CTDP1: variants seen among roughly 807,000 people sequenced by gnomAD.
CTDP1 encodes the protein RNA polymerase II subunit A C-terminal domain phosphatase.
In CTDP1, 47 loss-of-function variants were observed where a neutral mutation model predicts 91.8. The ratio of observed to expected loss-of-function variants is 0.51; its 90% confidence interval spans 0.41 to 0.65. The LOEUF is 0.65. CTDP1 is among the 30% of genes least tolerant of loss of function. CTDP1 has a pLI of 0.00. For missense variants in CTDP1, 1,272 were observed against 1,373.7 expected (o/e 0.93, Z 1.17); for synonymous variants, 656 against 598.5 (o/e 1.10, Z -1.40).
intron 11 of CTDP1, 47 bp downstream of exon 11, chr18:79,729,116 G>C: frequency 1.2e-6 from 2 of 1,609,856 alleles, no homozygotes; most frequent in Non-Finnish European, 1.7e-6. Flanking sequence ...CTCGTGCTGG[G>C]GCCGCAGAGC....
rs562184269 is a variant in CTDP1 at position 79,706,664 on chromosome 18, G to A, written c.772+1747G>A. Among the ~76,000 whole-genome samples the A allele has an allele frequency of 3.9e-5, 6 of 152,118 alleles. No individual in the cohort carries two copies. In the South Asian group the frequency reaches 6.2e-4, roughly 16 times the overall value. ...TCATCACTAAGAATTTATCCATCAC[G>A]TTGTTATAAATCTTCATCATTTTAT... On this transcript the variant is annotated intron_variant, in intron 5 of 12. Coordinates refer to ENST00000613122, the MANE Select transcript of CTDP1 (RefSeq NM_004715.5).
At chr18:79,742,639 C>G (rs1276913949) in intron 12 of CTDP1, among the ~76,000 whole-genome samples, 1 of 152,200 alleles carries the variant, frequency 6.6e-6, no homozygotes, top group Non-Finnish European at 1.5e-5. Context: ...ATTTAAAAAG[C>G]AGTATAGTTT....
rs1205031435 is a variant in CTDP1 at position 79,713,117 on chromosome 18, G to A, written c.1009G>A (p.Glu337Lys). 21 of 1,613,958 alleles carry A rather than the reference G, an allele frequency of 1.3e-5. No homozygotes were observed. The highest frequency in any genetic ancestry group is 8.3e-5 in the Admixed American group (5 of 60,000). ...TATGAATGCGCCCCCTGGGTCCCGAGAATCTCAGACGAGAAAGAAAGGTGG... is the reference window on the plus strand; with the variant it reads ...TATGAATGCGCCCCCTGGGTCCCGAAAATCTCAGACGAGAAAGAAAGGTGG... Reference protein sequence around the residue: ...GDMNAPPGSRESQTRKKVNHS... With the variant: ...GDMNAPPGSRKSQTRKKVNHS... Residue 337 changes from glutamate to lysine, a missense_variant, in exon 7 of 13, where the codon GAA becomes AAA. Glu to Lys is a moderately conservative substitution (Grantham distance 56). Around this residue, in one of 3 missense-constraint regions of CTDP1, gnomAD observed 881 missense variants for 911.6 expected, o/e 0.97. Coordinates refer to ENST00000613122, the MANE Select transcript of CTDP1 (RefSeq NM_004715.5). The surrounding 1 kb of genome is among the most constrained non-coding windows in gnomAD (Gnocchi z 4.7).
At chr18:79,740,615 T>A (rs1320036903) in intron 12 of CTDP1, among the ~76,000 whole-genome samples, 1 of 152,246 alleles carries the variant, frequency 6.6e-6, no homozygotes, top group Admixed American at 6.5e-5. Context: ...ACTCTGCTCT[T>A]TCCTGTCAGT....
chr18:79,678,703 C>T (rs113432577), upstream of CTDP1: 9,413 of 152,072 alleles, frequency 0.062, 402 homozygotes, highest in South Asian at 0.15. Context: ...AATTTATATA[C>T]GTAAGGACAA....
intron 12 of CTDP1, among the ~76,000 whole-genome samples, chr18:79,742,187 A>ATT (rs2086794624): frequency 7.4e-6 from 1 of 134,286 alleles, no homozygotes; most frequent in African/African-American, 3.2e-5. Flanking sequence ...AGCATGAGAG[A>ATT]GAGAGAGAGA....
In CTDP1 at chr18:79,753,913, C is replaced by T; in HGVS notation, c.*123C>T. ...CCAAAGGACATGTATATTTGCAGAG[C>T]TCCACATACAGAAACACATTATTTT... On this transcript the variant is annotated 3_prime_UTR_variant, in exon 13 of 13. Transcript: ENST00000613122. 1 of 1,294,388 alleles carries T rather than the reference C, an allele frequency of 7.7e-7. No individual in the cohort carries two copies. Among genetic ancestry groups the T allele is most frequent in the Non-Finnish European group, 1.1e-6 (1 of 927,590 alleles). The allele number at this position is 1,294,388 out of a possible 1,614,324, so 80.2% of individuals were successfully genotyped here. A position where few individuals can be genotyped will look rare whatever the true frequency, so the allele number is the denominator to read the frequency against.
intron 11 of CTDP1, among the ~76,000 whole-genome samples, chr18:79,733,160 C>T (rs1391801869): frequency 1.3e-5 from 2 of 152,080 alleles, no homozygotes; most frequent in South Asian, 2.1e-4. Context: ...CCTCACGCCA[C>T]GGCCTCGGCA....
intron 12 of CTDP1, among the ~76,000 whole-genome samples, chr18:79,749,106 A>C (rs886823555): frequency 1.3e-5 from 2 of 152,222 alleles, no homozygotes; most frequent in African/African-American, 4.8e-5. Flanking sequence ...ACATATTTCT[A>C]AACCTCAAAC....
intron 1 of CTDP1, among the ~76,000 whole-genome samples, chr18:79,694,629 A>G (rs1329999351): frequency 2.0e-5 from 3 of 147,072 alleles, no homozygotes; most frequent in African/African-American, 5.1e-5. Context: ...CTGGGGTGGG[A>G]GTGTGGGGGC....
At chr18:79,693,098 G>A (rs561597083) in intron 1 of CTDP1, among the ~76,000 whole-genome samples, 1 of 152,216 alleles carries the variant, frequency 6.6e-6, no homozygotes, top group Admixed American at 6.5e-5. Flanking sequence ...GTGCGATGGC[G>A]GTAGGGACAC....
intron 1 of CTDP1, among the ~76,000 whole-genome samples, chr18:79,681,843 A>G (rs2085376048): frequency 6.6e-6 from 1 of 152,210 alleles, no homozygotes; most frequent in African/African-American, 2.4e-5. Context: ...AGAAAGCCAC[A>G]GACGGTGCTG....
intron 10 of CTDP1, among the ~76,000 whole-genome samples, chr18:79,726,591 C>T (rs1054820996): frequency 1.8e-5 from 2 of 110,530 alleles, no homozygotes; most frequent in African/African-American, 6.0e-5. Flanking sequence ...TAAACCTTCT[C>T]CCATCACTGA....
At chr18:79,728,809 A>T in intron 10 of CTDP1, 98 bp from the exon 11 acceptor site, 1 of 1,166,620 alleles carries the variant, frequency 8.6e-7, no homozygotes. Context: ...GGGGTGTGTG[A>T]GTGTTTACCT....
chr18:79,733,648 G>A (rs2086610600), intron 11 of CTDP1, among the ~76,000 whole-genome samples: 1 of 152,128 alleles, frequency 6.6e-6, no homozygotes, highest in African/African-American at 2.4e-5. Flanking sequence ...CTCTCCAGCT[G>A]CGTTACCTCG....
At chr18:79,742,655 T>C (rs2086803253) in intron 12 of CTDP1, among the ~76,000 whole-genome samples, 1 of 152,248 alleles carries the variant, frequency 6.6e-6, no homozygotes, top group Admixed American at 6.5e-5. Flanking sequence ...AGTTTTATAG[T>C]ATAAGACTCT....
chr18:79,685,886 T>A (rs1340909755), intron 1 of CTDP1, among the ~76,000 whole-genome samples: 1 of 152,238 alleles, frequency 6.6e-6, no homozygotes, highest in Non-Finnish European at 1.5e-5. Context: ...ATTCTAATAA[T>A]TATTTAGAAT....
intron 6 of CTDP1, among the ~76,000 whole-genome samples, chr18:79,711,299 C>G (rs776223293): frequency 1.3e-5 from 2 of 152,126 alleles, no homozygotes; most frequent in Non-Finnish European, 2.9e-5. Flanking sequence ...CATTCCTATG[C>G]GAAGACCTGG....
chr18:79,701,481 G>T (rs571497328), intron 4 of CTDP1, among the ~76,000 whole-genome samples: 9 of 151,826 alleles, frequency 5.9e-5, no homozygotes, highest in Middle Eastern at 3.4e-3. Flanking sequence ...CTGCACTCCA[G>T]CCTGGGTGAC....
Sources: gnomAD v4.1 joint callset for allele counts (sites outside exome capture counted in the v4.1 genomes callset) on GRCh38, gnomAD v4.1.1 for gene constraint, gnomAD v4.1.1 regional missense constraint, Gnocchi (gnomAD v3.1) non-coding constraint, MANE v1.5 for transcripts, NCBI Gene and HGNC (gene_info 2026-07-23, HGNC 2026-07-21) for gene names.